RBM6: variants seen among roughly 807,000 people sequenced by gnomAD.
RBM6 encodes RNA-binding protein 6.
Under a neutral mutation model 140.4 loss-of-function variants are expected in RBM6, and 23 were observed. The observed-to-expected ratio is 0.16, with a 90% confidence interval of 0.12 to 0.23. RBM6 has a LOEUF of 0.23. RBM6 is among the 10% of genes least tolerant of loss of function. RBM6 has a pLI of 1.00. For synonymous variants in RBM6, 439 were observed against 475.6 expected (o/e 0.92, Z 1.00); for missense variants, 1,139 against 1,386.7 (o/e 0.82, Z 2.84).
chr3:49,999,602 A>C, intron 6 of RBM6, 89 bp downstream of exon 6: 1 of 1,099,466 alleles, frequency 9.1e-7, no homozygotes, highest in Non-Finnish European at 1.4e-6. Context: ...TACTTTGGAA[A>C]GGTACAAGAA....
intron 15 of RBM6, among the ~76,000 whole-genome samples, chr3:50,062,328 C>A (rs1262131132): frequency 1.3e-5 from 2 of 151,890 alleles, no homozygotes; most frequent in African/African-American, 2.4e-5. Flanking sequence ...CATGGTGAAA[C>A]CCCTGTCTCT....
chr3:50,060,124 GTACTC>G (rs2089876607), intron 11 of RBM6, among the ~76,000 whole-genome samples: 1 of 152,034 alleles, frequency 6.6e-6, no homozygotes, highest in African/African-American at 2.4e-5. Context: ...AATAACCACT[GTACTC>G]TACCCTGGGC....
Position 50,077,185 on chromosome 3 carries a change from C to G in RBM6, c.*52C>G. 5 of 1,543,206 alleles carry G rather than the reference C, an allele frequency of 3.2e-6. No homozygotes were observed. Among genetic ancestry groups the G allele is most frequent in the South Asian group, 2.4e-5 (2 of 82,090 alleles). On this transcript the variant is annotated 3_prime_UTR_variant, in exon 21 of 21. Coordinates refer to ENST00000266022, the MANE Select transcript of RBM6 (RefSeq NM_005777.3). ...AACCTCCCTCTTGTTTTGTTTGTCT[C>G]TCCTTTTCTTTTGTTACTGTTCTTG...
At chr3:50,014,228 T>C (rs982876833) in intron 6 of RBM6, among the ~76,000 whole-genome samples, 1 of 152,128 alleles carries the variant, frequency 6.6e-6, no homozygotes, top group Non-Finnish European at 1.5e-5. Flanking sequence ...GTAGTGAGAG[T>C]GCAGGCACGG....
Position 50,066,777 on chromosome 3 carries a change from G to A in RBM6, c.2943+275G>A, listed in dbSNP as rs1033630211. On this transcript the variant is annotated intron_variant, in intron 17 of 20. Transcript: ENST00000266022. ...TGGGAGGCAGAGGTTGCAGTGAGCC[G>A]AGATCGTGCCACTGCACTCCAGCCT... 4.6e-5 allele frequency among the ~76,000 whole-genome samples: 7 copies of A among 152,094 alleles called. No individual in the cohort carries two copies. The East Asian group carries it at 5.8e-4, about 13-fold the overall frequency.
At chr3:50,071,288 A>C (rs2090290675) in intron 19 of RBM6, among the ~76,000 whole-genome samples, 1 of 152,200 alleles carries the variant, frequency 6.6e-6, no homozygotes, top group Non-Finnish European at 1.5e-5. Flanking sequence ...CTGGTCCAAA[A>C]GATGCAGGCC....
intron 1 of RBM6, among the ~76,000 whole-genome samples, chr3:49,958,207 C>T (rs951716304): frequency 5.3e-5 from 8 of 151,884 alleles, no homozygotes; most frequent in Admixed American, 2.6e-4. Context: ...GGGCGGATCA[C>T]GAGGTCAGGA....
At chr3:50,060,858 T>G in intron 11 of RBM6, 98 bp from the exon 12 acceptor site, 13 of 1,314,050 alleles carry the variant, frequency 9.9e-6, no homozygotes, top group Non-Finnish European at 1.2e-5. Flanking sequence ...CCCTGCAAAA[T>G]GAGGAACAGA....
intron 4 of RBM6, among the ~76,000 whole-genome samples, chr3:49,974,798 T>C (rs2084987485): frequency 6.7e-6 from 1 of 149,732 alleles, no homozygotes; most frequent in Non-Finnish European, 1.5e-5. Context: ...GTGATTCTCC[T>C]GCCTCAGCCT....
At chr3:49,977,804 T>C (rs1248751318) in intron 5 of RBM6, among the ~76,000 whole-genome samples, 2 of 152,210 alleles carry the variant, frequency 1.3e-5, no homozygotes, top group Non-Finnish European at 2.9e-5. Flanking sequence ...CTAAGAACTA[T>C]AGTGTTTACT....
chr3:49,967,442 A>T lies in RBM6; in HGVS notation c.45-28A>T. On this transcript the variant is annotated intron_variant, in intron 2 of 20. Transcript: ENST00000266022. The surrounding 1 kb of genome is among the most constrained non-coding windows in gnomAD (Gnocchi z 4.0). ...GTAGATTTCAAACTCTCTGGACAATATGAATAACACTGTCTTTGTTTCTAC... is the reference window on the plus strand; with the variant it reads ...GTAGATTTCAAACTCTCTGGACAATTTGAATAACACTGTCTTTGTTTCTAC... 6.3e-7 allele frequency: 1 copy of T among 1,585,622 alleles called. No individual in the cohort carries two copies. Among genetic ancestry groups the T allele is most frequent in the South Asian group, 1.1e-5 (1 of 87,510 alleles).
chr3:50,062,111 A>T lies in RBM6; in HGVS notation c.2586+3A>T. On this transcript the variant is annotated splice_donor_region_variant and intron_variant, in intron 15 of 20. Transcript: ENST00000266022. ...AAAAAGACAGAGGAGTGACGAGGGT[A>T]AGAGGAATTGTTAATTTGCTGTCTT... 1 of 1,611,178 alleles carries T rather than the reference A, an allele frequency of 6.2e-7. No individual in the cohort carries two copies. Among genetic ancestry groups the T allele is most frequent in the Middle Eastern group, 1.7e-4 (1 of 6,054 alleles).
chr3:50,061,115 AT>A (rs1211914469), intron 12 of RBM6, 24 bp from the exon 13 acceptor site: 1 of 1,614,046 alleles, frequency 6.2e-7, no homozygotes, highest in Admixed American at 1.7e-5. Flanking sequence ...TAGTTCTGTA[AT>A]TTTAACTTGC....
intron 14 of RBM6, 107 bp downstream of exon 14, chr3:50,061,654 C>T: frequency 6.8e-7 from 1 of 1,479,332 alleles, no homozygotes; most frequent in Non-Finnish European, 8.9e-7. Flanking sequence ...TCCCTGGATT[C>T]TCTGGATGCT....
At chr3:49,976,878 G>A (rs569633715) in intron 5 of RBM6, among the ~76,000 whole-genome samples, 1 of 152,132 alleles carries the variant, frequency 6.6e-6, no homozygotes, top group Non-Finnish European at 1.5e-5. Flanking sequence ...AATCATTCAG[G>A]GCAGTGCTTA....
In RBM6 at chr3:50,022,487, C is replaced by T. The variant is rs576276778; in HGVS notation, c.1557+22974C>T. 1.5e-4 allele frequency among the ~76,000 whole-genome samples: 23 copies of T among 152,050 alleles called. No homozygotes were observed. The South Asian group carries it at 2.9e-3, about 19-fold the overall frequency. On this transcript the variant is annotated intron_variant, in intron 6 of 20. Transcript: ENST00000266022. ...CTGGGATTATAGGCTCATGTCACCA[C>T]GCCTGGCTAATTTTGTATTTTTAGT...
chr3:49,953,544 C>G (rs1208786961), intron 1 of RBM6, among the ~76,000 whole-genome samples: 1 of 140,666 alleles, frequency 7.1e-6, no homozygotes, highest in East Asian at 2.2e-4. Context: ...TTTTTGAGAC[C>G]GTCTCTGTCA....
intron 3 of RBM6, among the ~76,000 whole-genome samples, chr3:49,970,399 A>G (rs907979441): frequency 6.6e-6 from 1 of 152,036 alleles, no homozygotes; most frequent in Non-Finnish European, 1.5e-5. Flanking sequence ...GTGTTTATTC[A>G]TTATTTTGTT....
intron 1 of RBM6, among the ~76,000 whole-genome samples, chr3:49,957,526 T>C (rs939361649): frequency 2.0e-5 from 3 of 152,120 alleles, no homozygotes; most frequent in Admixed American, 6.6e-5. Flanking sequence ...TCTAAAGATA[T>C]GTTCTTTGCA....
Sources: allele counts gnomAD v4.1 joint callset (sites outside exome capture counted in the v4.1 genomes callset), GRCh38; gene constraint gnomAD v4.1.1; non-coding constraint Gnocchi (gnomAD v3.1); transcripts MANE v1.5; gene names NCBI Gene and HGNC (gene_info 2026-07-23, HGNC 2026-07-21).